Variants in MYCBP2 observed in about 807,000 individuals in gnomAD.
MYCBP2 encodes E3 ubiquitin-protein ligase MYCBP2.
In MYCBP2, 120 loss-of-function variants were observed where a neutral mutation model predicts 525.3. The observed-to-expected ratio is 0.23, with a 90% confidence interval of 0.20 to 0.27. The LOEUF (loss-of-function observed/expected upper bound fraction) is 0.27, where lower values mean the gene tolerates loss of function less well. MYCBP2 is among the 10% of genes least tolerant of loss of function. The pLI is 1.00. For missense variants in MYCBP2, 4,149 were observed against 5,657.1 expected, an observed-to-expected ratio of 0.73 and a Z score of 8.55; for synonymous variants, 1,894 against 1,955.8, an observed-to-expected ratio of 0.97 and a Z score of 0.83.
chr13:77,211,060 G>T, intron 23 of MYCBP2, 107 bp downstream of exon 23: 1 of 784,712 alleles, frequency 1.3e-6, no homozygotes, highest in Non-Finnish European at 1.8e-6. Context: ...TAGATAAACA[G>T]GAGAGTACTC....
chr13:77,309,300 G>A (rs1195024352), intron 1 of MYCBP2, among the ~76,000 whole-genome samples: 1 of 152,142 alleles, frequency 6.6e-6, no homozygotes, highest in East Asian at 1.9e-4. Context: ...CTGGCCTAAG[G>A]GAAAAGAGGC....
chr13:77,207,871 A>C (rs1367518748), intron 23 of MYCBP2, among the ~76,000 whole-genome samples: 2 of 152,198 alleles, frequency 1.3e-5, no homozygotes, highest in Non-Finnish European at 2.9e-5. Flanking sequence ...TCTAATATCC[A>C]TGGATTCAAA....
intron 14 of MYCBP2, among the ~76,000 whole-genome samples, chr13:77,256,855 A>G (rs571891475): frequency 2.0e-5 from 3 of 152,166 alleles, no homozygotes; most frequent in Non-Finnish European, 4.4e-5. Flanking sequence ...CTAGAACTCA[A>G]TATGATCCAA....
intron 46 of MYCBP2, among the ~76,000 whole-genome samples, chr13:77,154,549 G>T (rs183871147): frequency 3.6e-4 from 54 of 152,070 alleles, no homozygotes; most frequent in Non-Finnish European, 5.9e-5. Flanking sequence ...AGGTGCAAAG[G>T]AGAAAACACA....
At chr13:77,104,007 C>T (rs1457862442) in intron 55 of MYCBP2, among the ~76,000 whole-genome samples, 2 of 151,952 alleles carry the variant, frequency 1.3e-5, no homozygotes, top group African/African-American at 2.4e-5. Flanking sequence ...GAAAATGAAG[C>T]ACTTAATTTA....
intron 4 of MYCBP2, among the ~76,000 whole-genome samples, chr13:77,274,974 C>T (rs982848469): frequency 1.2e-4 from 18 of 152,194 alleles, no homozygotes; most frequent in African/African-American, 4.1e-4. Context: ...TTCCCTCCAT[C>T]CTTTCATCTA....
intron 14 of MYCBP2, 135 bp downstream of exon 14, chr13:77,257,534 TAA>T: frequency 1.1e-6 from 1 of 893,870 alleles, no homozygotes; most frequent in Non-Finnish European, 1.6e-6. Flanking sequence ...ATAAAATTTT[TAA>T]AAAAAATTTA....
chr13:77,090,192 A>G lies in MYCBP2; in HGVS notation c.10439T>C (p.Val3480Ala). 2 of 1,612,930 alleles carry G rather than the reference A, an allele frequency of 1.2e-6. No homozygotes were observed. Among genetic ancestry groups the G allele is most frequent in the Non-Finnish European group, 1.7e-6 (2 of 1,179,296 alleles). Residue 3480 changes from valine to alanine, a missense_variant, in exon 60 of 83, where the codon GTT becomes GCT. Around this residue, in one of 21 missense-constraint regions of MYCBP2, gnomAD observed 509 missense variants for 789.4 expected, o/e 0.64. Transcript: ENST00000544440. The part of the protein sequence containing the change: ...RTVFQRSYSV[V>A]ASEYDKQHSI... ...GTGTTGTTTATCATATTCGGAAGCA[A>G]CAACTGAGTATGATCTTTGGAAGAC...
rs769121776 is a variant in MYCBP2 at position 77,260,439 on chromosome 13, G to A, written c.2006C>T (p.Ser669Phe). 4 of 1,588,174 alleles carry A rather than the reference G, an allele frequency of 2.5e-6. No homozygotes were observed. Among genetic ancestry groups the A allele is most frequent in the African/African-American group, 1.4e-5 (1 of 72,996 alleles). Residue 669 changes from serine to phenylalanine, a missense_variant, in exon 13 of 83, where the codon TCT becomes TTT. This residue lies in a region of MYCBP2 where 262 missense variants were observed against 419.3 expected (regional missense o/e 0.62). Coordinates refer to ENST00000544440, the MANE Select transcript of MYCBP2 (RefSeq NM_015057.5). ...TTTTATTAACTTACTTGAACTATCA[G>A]AGTAAATGGCATCTTTTCCAAACAT... ...LYMFGKDAIYSDSSSLVTDLK... is the reference protein window; with the variant it reads ...LYMFGKDAIYFDSSSLVTDLK...
intron 82 of MYCBP2, among the ~76,000 whole-genome samples, chr13:77,049,195 C>T (rs758217949): frequency 1.3e-5 from 2 of 152,158 alleles, no homozygotes; most frequent in Non-Finnish European, 2.9e-5. Flanking sequence ...ATCACCCCCT[C>T]CCTCCAAGCA....
In MYCBP2 at chr13:77,121,534, G is replaced by C. The variant is rs374707190; in HGVS notation, c.8018-39C>G. 4 of 1,494,436 alleles carry C rather than the reference G, an allele frequency of 2.7e-6. No homozygotes were observed. In the East Asian group the frequency reaches 9.4e-5, roughly 35 times the overall value. The allele number at this position is 1,494,436 out of a possible 1,614,324, so 92.6% of individuals were successfully genotyped here. ...CATAGCTGTAACATTAGTTTCTTAC[G>C]TGCTATTCCCTATTCATACAACAAA... is the stretch of plus-strand genomic sequence containing the variant. On this transcript the variant is annotated intron_variant, in intron 54 of 82. Transcript: ENST00000544440.
chr13:77,066,183 A>G, intron 71 of MYCBP2, 95 bp from the exon 72 acceptor site: 2 of 840,928 alleles, frequency 2.4e-6, no homozygotes, highest in Non-Finnish European at 3.8e-6. Context: ...GCAGCATTTT[A>G]GATTTTTAAG....
chr13:77,301,331 G>A (rs1424214974), intron 1 of MYCBP2, among the ~76,000 whole-genome samples: 6 of 148,930 alleles, frequency 4.0e-5, no homozygotes, highest in East Asian at 2.0e-4. Flanking sequence ...CAGGAGAATC[G>A]CTTGAACCTG....
intron 55 of MYCBP2, among the ~76,000 whole-genome samples, chr13:77,111,106 T>C (rs1348771712): frequency 2.0e-5 from 3 of 152,160 alleles, no homozygotes; most frequent in African/African-American, 4.8e-5. Context: ...GTGGGAGATA[T>C]AGCAGACCTA....
chr13:77,139,400 C>G, intron 51 of MYCBP2, 64 bp from the exon 52 acceptor site: 1 of 1,525,092 alleles, frequency 6.6e-7, no homozygotes. Flanking sequence ...CTAGCAAGGT[C>G]TGAAAGTCTG....
intron 14 of MYCBP2, among the ~76,000 whole-genome samples, chr13:77,254,866 T>C (rs530493860): frequency 1.2e-4 from 18 of 152,088 alleles, no homozygotes; most frequent in African/African-American, 4.1e-4. Flanking sequence ...CTGTCCCTGG[T>C]TTATTTTATT....
intron 3 of MYCBP2, among the ~76,000 whole-genome samples, chr13:77,285,706 A>C (rs1000866204): frequency 4.6e-5 from 7 of 152,098 alleles, no homozygotes; most frequent in Non-Finnish European, 8.8e-5. Flanking sequence ...GAATTGCTTG[A>C]ACCCAGGAGG....
At chr13:77,305,904 T>TA (rs1371820659) in intron 1 of MYCBP2, among the ~76,000 whole-genome samples, 2 of 152,140 alleles carry the variant, frequency 1.3e-5, no homozygotes, top group African/African-American at 2.4e-5. Flanking sequence ...AGATTATCTA[T>TA]AAAAAACCTA....
intron 49 of MYCBP2, chr13:77,144,158 G>A (rs1361738550): frequency 5.4e-6 from 2 of 368,934 alleles, no homozygotes; most frequent in East Asian, 1.1e-4. Flanking sequence ...CCACAGGGGA[G>A]AGACAGGGTA....
Sources: allele counts gnomAD v4.1 joint callset (sites outside exome capture counted in the v4.1 genomes callset), GRCh38; gene constraint gnomAD v4.1.1; regional missense constraint gnomAD v4.1.1; transcripts MANE v1.5; gene names NCBI Gene and HGNC (gene_info 2026-07-23, HGNC 2026-07-21).